Variants in POLK observed in about 807,000 individuals in gnomAD.
POLK encodes DNA polymerase kappa.
In POLK, 76 loss-of-function variants were observed where a neutral mutation model predicts 94.0. The ratio of observed to expected loss-of-function variants is 0.81; its 90% confidence interval spans 0.67 to 0.98. POLK has a LOEUF of 0.98. POLK is among the 50% of genes least tolerant of loss of function. The probability of loss-of-function intolerance (pLI) is 0.00; values close to 1 mark genes in which losing one functional copy is unlikely to be tolerated. For synonymous variants in POLK, 349 were observed against 325.4 expected, an observed-to-expected ratio of 1.07 and a Z score of -0.78; for missense variants, 954 against 1,010.1, an observed-to-expected ratio of 0.94 and a Z score of 0.75.
chr5:75,576,713 A>C, intron 5 of POLK, 67 bp from the exon 6 acceptor site: 1 of 702,672 alleles, frequency 1.4e-6, no homozygotes, highest in Non-Finnish European at 2.2e-6. Context: ...ATTTCTTATC[A>C]GCTACATATG....
intron 1 of POLK, among the ~76,000 whole-genome samples, chr5:75,524,694 C>T (rs1352459755): frequency 1.3e-5 from 2 of 151,982 alleles, no homozygotes; most frequent in Non-Finnish European, 2.9e-5. Flanking sequence ...CAAACTTTGA[C>T]AAAGCAACCC....
At chr5:75,573,270 A>T (rs1474837755) in intron 4 of POLK, among the ~76,000 whole-genome samples, 1 of 152,152 alleles carries the variant, frequency 6.6e-6, no homozygotes, top group Non-Finnish European at 1.5e-5. Flanking sequence ...AGGACAAAAA[A>T]CCAAACACCA....
At chr5:75,530,245 CTTTTTTTTTTTT>C (rs575507126) in intron 1 of POLK, among the ~76,000 whole-genome samples, 1 of 95,932 alleles carries the variant, frequency 1.0e-5, no homozygotes, top group Non-Finnish European at 2.1e-5. Context: ...ATTTGTATTT[CTTTTTTTTTTTT>C]TTTTTTTTTT....
chr5:75,576,779 G>C lies in POLK; in HGVS notation c.541-1G>C. 1 of 1,484,764 alleles carries C rather than the reference G, an allele frequency of 6.7e-7. No homozygotes were observed. Among genetic ancestry groups the C allele is most frequent in the Non-Finnish European group, 9.0e-7 (1 of 1,114,172 alleles). 92.0% of individuals were successfully genotyped at this position (1,484,764 alleles called of 1,614,324 possible). A position where few individuals can be genotyped will look rare whatever the true frequency, so the allele number is the denominator to read the frequency against. Reference sequence around the variant, plus strand: ...TAAACTTTTTTTTGTTTCCTTTGAAGGTTAAGGAAATACTTGCTGATTATG... The same window carrying C: ...TAAACTTTTTTTTGTTTCCTTTGAACGTTAAGGAAATACTTGCTGATTATG... On this transcript the variant is annotated splice_acceptor_variant, in intron 5 of 14. Transcript: ENST00000241436. LOFTEE classifies it high-confidence loss of function.
At chr5:75,515,929 T>G (rs532124852) in intron 1 of POLK, among the ~76,000 whole-genome samples, 1 of 152,196 alleles carries the variant, frequency 6.6e-6, no homozygotes. Context: ...CCATTTTGAC[T>G]GGGGTAAGAT....
downstream of POLK, among the ~76,000 whole-genome samples, chr5:75,601,361 G>A (rs890422094): frequency 2.6e-5 from 4 of 152,074 alleles, no homozygotes; most frequent in African/African-American, 9.7e-5. Context: ...TTGACAGTTA[G>A]ACCAAATATT....
At chr5:75,593,782 G>T in intron 11 of POLK, 96 bp from the exon 12 acceptor site, 1 of 625,394 alleles carries the variant, frequency 1.6e-6, no homozygotes, top group South Asian at 3.0e-5. Context: ...GTTGAAGGCT[G>T]CAGTGAGCTA....
intron 1 of POLK, among the ~76,000 whole-genome samples, chr5:75,544,175 T>C (rs757985675): frequency 6.6e-6 from 1 of 152,174 alleles, no homozygotes; most frequent in African/African-American, 2.4e-5. Flanking sequence ...TTAATATATG[T>C]GAAGAGTAGG....
chr5:75,577,076 A>T (rs1000005055), intron 6 of POLK, 143 bp downstream of exon 6: 1 of 441,140 alleles, frequency 2.3e-6, no homozygotes, highest in Non-Finnish European at 3.9e-6. Flanking sequence ...AAATCAGAAA[A>T]TTTTAAAAAT....
intron 10 of POLK, among the ~76,000 whole-genome samples, chr5:75,587,860 A>C (rs1772553711): frequency 6.6e-6 from 1 of 152,020 alleles, no homozygotes; most frequent in Non-Finnish European, 1.5e-5. Flanking sequence ...AGTTTGCAGT[A>C]AGCTGAGATG....
At chr5:75,556,031 C>T (rs912195198) in intron 3 of POLK, among the ~76,000 whole-genome samples, 3 of 152,152 alleles carry the variant, frequency 2.0e-5, no homozygotes, top group East Asian at 1.9e-4. Flanking sequence ...CTAAGGAGCG[C>T]AATTGCTGGA....
At chr5:75,511,902 C>A (rs147973945) in exon 1 of POLK, 4 of 1,368,732 alleles carry the variant, frequency 2.9e-6, no homozygotes, top group Non-Finnish European at 4.0e-6. Context: ...TAGTCGCGAT[C>A]CTGAGGTAAC....
chr5:75,595,790 T>C (rs1773049581), intron 12 of POLK, among the ~76,000 whole-genome samples: 1 of 152,128 alleles, frequency 6.6e-6, no homozygotes, highest in Non-Finnish European at 1.5e-5. Context: ...GTGCCACATG[T>C]TGATAGTTGG....
At chr5:75,511,262 G>A (rs748700181), upstream of POLK, 4 of 1,598,302 alleles carry the variant, frequency 2.5e-6, no homozygotes, top group Non-Finnish European at 3.4e-6. Flanking sequence ...CTGCGCCGGA[G>A]GAGGCGCCCA....
rs146280681 is a variant in POLK at position 75,541,026 on chromosome 5, A to G, written c.-13-5984A>G. Among the ~76,000 whole-genome samples, 1,299 of 152,270 alleles carry G rather than the reference A, an allele frequency of 8.5e-3. 11 individuals are homozygous for G. Among genetic ancestry groups the G allele is most frequent in the Middle Eastern group, 0.024 (7 of 294 alleles). ...AGGCTCGGCGCAGTGGCTCATGCCT[A>G]TAATCCCAGCACTTTAGGAGACAGA... On this transcript the variant is annotated intron_variant, in intron 1 of 14. Coordinates refer to ENST00000241436, the Ensembl canonical transcript of POLK.
intron 10 of POLK, among the ~76,000 whole-genome samples, chr5:75,587,778 C>T (rs1401456268): frequency 1.3e-5 from 2 of 152,026 alleles, no homozygotes; most frequent in African/African-American, 4.8e-5. Flanking sequence ...AAAATCAGCC[C>T]GGTGTGGTCG....
At chr5:75,561,867 T>C (rs1350042607) in intron 3 of POLK, among the ~76,000 whole-genome samples, 1 of 152,232 alleles carries the variant, frequency 6.6e-6, no homozygotes, top group Non-Finnish European at 1.5e-5. Flanking sequence ...TTGGTCTATA[T>C]ATCTGCTTTG....
intron 1 of POLK, among the ~76,000 whole-genome samples, chr5:75,526,134 A>G (rs556273478): frequency 1.3e-5 from 2 of 152,104 alleles, no homozygotes; most frequent in Non-Finnish European, 2.9e-5. Context: ...CCTTTATAGA[A>G]TTTCGTATTT....
downstream of POLK, among the ~76,000 whole-genome samples, chr5:75,604,369 T>C (rs544807402): frequency 1.5e-4 from 23 of 152,298 alleles, no homozygotes; most frequent in Admixed American, 4.6e-4. Context: ...TCATACCTGG[T>C]GTACCTGGTG....
Sources: gnomAD v4.1 joint callset for allele counts (sites outside exome capture counted in the v4.1 genomes callset) on GRCh38, gnomAD v4.1.1 for gene constraint, MANE v1.5 for transcripts, NCBI Gene and HGNC (gene_info 2026-07-23, HGNC 2026-07-21) for gene names.